The following METTL9 variants were observed in gnomAD, a reference collection of about 807,000 sequenced individuals.
METTL9 encodes the protein protein-L-histidine N-pros-methyltransferase.
A neutral mutation model predicts 36.0 loss-of-function variants in METTL9; 10 were observed. The ratio of observed to expected loss-of-function variants is 0.28; its 90% confidence interval spans 0.17 to 0.47. The LOEUF is 0.47. METTL9 is among the 20% of genes least tolerant of loss of function. The pLI, the probability that METTL9 is intolerant of heterozygous loss-of-function variation, is 0.99. For missense variants in METTL9, 246 were observed against 383.5 expected, an observed-to-expected ratio of 0.64 and a Z score of 3.00; for synonymous variants, 175 against 149.7, an observed-to-expected ratio of 1.17 and a Z score of -1.23.
At chr16:21,605,305 A>G (rs1965255053) in intron 1 of METTL9, among the ~76,000 whole-genome samples, 1 of 60,762 alleles carries the variant, frequency 1.6e-5, no homozygotes, top group Non-Finnish European at 3.2e-5. Context: ...TTGAGAAACA[A>G]GTTCTTACTC....
At chr16:21,606,396 C>T (rs370784137) in intron 1 of METTL9, among the ~76,000 whole-genome samples, 4 of 152,030 alleles carry the variant, frequency 2.6e-5, no homozygotes, top group South Asian at 4.2e-4. Context: ...ACAAAGGATA[C>T]AATTGGGGAA....
upstream of METTL9, among the ~76,000 whole-genome samples, chr16:21,597,713 T>C (rs1026046623): frequency 6.6e-6 from 1 of 152,206 alleles, no homozygotes; most frequent in African/African-American, 2.4e-5. Context: ...TTTAAAAAGA[T>C]GAAGGCTTCC....
chr16:21,625,245 T>A (rs865893483), intron 4 of METTL9, 130 bp downstream of exon 4: 2 of 996,646 alleles, frequency 2.0e-6, no homozygotes, highest in Middle Eastern at 3.1e-4. Context: ...GTAATCCAGT[T>A]AATCCATGTA....
In METTL9 at chr16:21,628,843, AT is replaced by A. The variant is rs1007294322; in HGVS notation, c.751+3742del. Among the ~76,000 whole-genome samples the A allele has an allele frequency of 5.9e-3, 813 of 137,466 alleles. 3 individuals are homozygous for A. Among genetic ancestry groups the A allele is most frequent in the African/African-American group, 8.7e-3 (323 of 37,206 alleles). 90.2% of individuals were successfully genotyped at this position (137,466 alleles called of 152,430 possible). ...TATTACTACTTTAAATATGATGCTAATTTTTTTTTTTTTTACTTGAAGTTGC... is the reference window on the plus strand; with the variant it reads ...TATTACTACTTTAAATATGATGCTAATTTTTTTTTTTTTACTTGAAGTTGC... On this transcript the variant is annotated intron_variant, in intron 4 of 4. Coordinates refer to ENST00000358154, the MANE Select transcript of METTL9 (RefSeq NM_016025.5).
At chr16:21,628,896 T>G (rs1215010746) in intron 4 of METTL9, among the ~76,000 whole-genome samples, 1 of 151,420 alleles carries the variant, frequency 6.6e-6, no homozygotes, top group East Asian at 1.9e-4. Context: ...ATGTTTCTTT[T>G]TTTTTTTTTT....
At chr16:21,602,784 A>G (rs1413452422) in intron 1 of METTL9, among the ~76,000 whole-genome samples, 1 of 151,844 alleles carries the variant, frequency 6.6e-6, no homozygotes, top group East Asian at 1.9e-4. Flanking sequence ...CAGCCTCCCG[A>G]GTAGCTGGGA....
chr16:21,633,669 G>C (rs1966018025), intron 4 of METTL9, among the ~76,000 whole-genome samples: 1 of 152,194 alleles, frequency 6.6e-6, no homozygotes. Flanking sequence ...CTGCCTCATT[G>C]ATGAGTCTAA....
rs78032667 is a variant in METTL9 at position 21,649,956 on chromosome 16, G to A, written c.752-5271G>A. On this transcript the variant is annotated intron_variant, in intron 4 of 4. Transcript: ENST00000358154. The stretch of plus-strand genomic sequence containing the variant: ...ACTCCTGGGCTCAAGCAATCCACTC[G>A]CCTCAGCCTTCCAAATTGGGTAGTG... 7.9e-3 allele frequency among the ~76,000 whole-genome samples: 1,208 copies of A among 152,184 alleles called. 20 individuals are homozygous for A. Among genetic ancestry groups the A allele is most frequent in the African/African-American group, 0.027 (1,127 of 41,520 alleles).
chr16:21,637,885 G>A (rs1966145762), intron 4 of METTL9, among the ~76,000 whole-genome samples: 1 of 152,280 alleles, frequency 6.6e-6, no homozygotes, highest in South Asian at 2.1e-4. Context: ...CTGAGAGCGA[G>A]CGAGGGCTGC....
chr16:21,636,982 T>A (rs1966114865), intron 4 of METTL9, among the ~76,000 whole-genome samples: 1 of 152,148 alleles, frequency 6.6e-6, no homozygotes, highest in Non-Finnish European at 1.5e-5. Flanking sequence ...TTGGTCTCGC[T>A]GACTTCAGGA....
intron 4 of METTL9, among the ~76,000 whole-genome samples, chr16:21,651,474 TTTC>T (rs1966574833): frequency 6.6e-6 from 1 of 152,048 alleles, no homozygotes; most frequent in South Asian, 2.1e-4. Context: ...GCTATTTTTT[TTTC>T]TTGTGTAGAA....
chr16:21,630,795 A>T (rs1965939717), intron 4 of METTL9, among the ~76,000 whole-genome samples: 1 of 152,196 alleles, frequency 6.6e-6, no homozygotes, highest in Non-Finnish European at 1.5e-5. Context: ...ACAGGGCCCA[A>T]AGGTGAGTAA....
chr16:21,648,736 G>T (rs1966491948), intron 4 of METTL9, among the ~76,000 whole-genome samples: 1 of 152,182 alleles, frequency 6.6e-6, no homozygotes, highest in African/African-American at 2.4e-5. Context: ...AGACAAATTG[G>T]AATTTGTCAA....
intron 3 of METTL9, among the ~76,000 whole-genome samples, chr16:21,621,444 G>A (rs1965690900): frequency 6.6e-6 from 1 of 151,946 alleles, no homozygotes; most frequent in South Asian, 2.1e-4. Context: ...GCCTGCCTCA[G>A]CCTCCCAAGT....
chr16:21,618,663 G>A (rs1386514058), intron 3 of METTL9, among the ~76,000 whole-genome samples: 1 of 151,826 alleles, frequency 6.6e-6, no homozygotes, highest in East Asian at 1.9e-4. Context: ...GTAGCATAAT[G>A]TCTTCAAGGT....
At chr16:21,619,231 T>C (rs940357929) in intron 3 of METTL9, among the ~76,000 whole-genome samples, 1 of 152,152 alleles carries the variant, frequency 6.6e-6, no homozygotes, top group African/African-American at 2.4e-5. Context: ...GTTTAATTTT[T>C]TGAGGAATTG....
chr16:21,621,581 C>T (rs1453422649), intron 3 of METTL9, among the ~76,000 whole-genome samples: 1 of 152,002 alleles, frequency 6.6e-6, no homozygotes, highest in Non-Finnish European at 1.5e-5. Context: ...CCCGCCTTGG[C>T]CTCCCAAAGT....
chr16:21,613,213 T>G (rs1965475739), intron 2 of METTL9, among the ~76,000 whole-genome samples: 2 of 127,744 alleles, frequency 1.6e-5, no homozygotes, highest in African/African-American at 3.0e-5. Flanking sequence ...TTAAAGACAG[T>G]CCTGCTCTGT....
upstream of METTL9, among the ~76,000 whole-genome samples, chr16:21,597,718 G>A (rs1475217596): frequency 6.6e-6 from 1 of 152,162 alleles, no homozygotes; most frequent in Non-Finnish European, 1.5e-5. Context: ...AAAGATGAAG[G>A]CTTCCTTTTG....
Sources: gnomAD v4.1 joint callset for allele counts (sites outside exome capture counted in the v4.1 genomes callset) on GRCh38, gnomAD v4.1.1 for gene constraint, MANE v1.5 for transcripts, NCBI Gene and HGNC (gene_info 2026-07-23, HGNC 2026-07-21) for gene names.